The following SEPTIN9 variants were observed in gnomAD, a reference collection of about 807,000 sequenced individuals.
The protein encoded by SEPTIN9 is septin-9.
SEPTIN9 carries 13 observed loss-of-function variants against 56.6 expected under a neutral mutation model. The observed-to-expected ratio is 0.23, with a 90% CI of 0.15 to 0.37. The LOEUF (loss-of-function observed/expected upper bound fraction) is 0.37, where lower values mean the gene tolerates loss of function less well. Ranked by LOEUF, SEPTIN9 falls within the 10% of genes least tolerant of loss-of-function variation. The pLI is 1.00. For missense variants in SEPTIN9, 650 were observed against 823.1 expected (o/e 0.79, Z 2.57); for synonymous variants, 332 against 334.1 (o/e 0.99, Z 0.07).
At chr17:77,410,368 A>G (rs1205683759) in intron 3 of SEPTIN9, among the ~76,000 whole-genome samples, 6 of 152,166 alleles carry the variant, frequency 3.9e-5, no homozygotes, top group Admixed American at 3.9e-4. Context: ...GGCTACCATC[A>G]GCACACCTGG....
chr17:77,365,694 C>T (rs2034551120), intron 2 of SEPTIN9, among the ~76,000 whole-genome samples: 2 of 152,148 alleles, frequency 1.3e-5, no homozygotes, highest in Admixed American at 1.3e-4. Flanking sequence ...GCCAGGCCGC[C>T]ACTCCCAACC....
At chr17:77,384,620 C>A (rs2035267083) in intron 2 of SEPTIN9, among the ~76,000 whole-genome samples, 1 of 152,062 alleles carries the variant, frequency 6.6e-6, no homozygotes, top group African/African-American at 2.4e-5. Flanking sequence ...ACCCAGCCCT[C>A]CTGAGCCAGA....
At chr17:77,481,360 G>A (rs937576751) in intron 3 of SEPTIN9, among the ~76,000 whole-genome samples, 6 of 152,214 alleles carry the variant, frequency 3.9e-5, no homozygotes, top group Non-Finnish European at 8.8e-5. Context: ...CACACAAGAC[G>A]GCCGCCTGGG....
intron 2 of SEPTIN9, among the ~76,000 whole-genome samples, chr17:77,368,884 A>G (rs1351896059): frequency 6.6e-6 from 1 of 152,140 alleles, no homozygotes; most frequent in African/African-American, 2.4e-5. Flanking sequence ...TGATAGAAAC[A>G]CTATATTCGT....
At chr17:77,376,626 ACAGGGCCCTGAT>A (rs2034929436) in intron 2 of SEPTIN9, 1 of 153,928 alleles carries the variant, frequency 6.5e-6, no homozygotes, top group Admixed American at 6.5e-5. Flanking sequence ...AACAGAGGCC[ACAGGGCCCTGAT>A]CAGGGTGTTC....
chr17:77,333,731 G>A (rs1567998924), intron 2 of SEPTIN9, among the ~76,000 whole-genome samples: 1 of 152,072 alleles, frequency 6.6e-6, no homozygotes, highest in Non-Finnish European at 1.5e-5. Flanking sequence ...ATTAACTTTT[G>A]CATATGGTGT....
chr17:77,287,965 T>C, intron 1 of SEPTIN9: 4 of 1,053,256 alleles, frequency 3.8e-6, no homozygotes, highest in Non-Finnish European at 4.6e-6. Context: ...CTCAGAGCGG[T>C]GTTGGCCCGG....
In SEPTIN9 at chr17:77,330,835, C is replaced by T. The variant is rs996479842; in HGVS notation, c.76+23638C>T. On this transcript the variant is annotated intron_variant, in intron 2 of 11. Coordinates refer to ENST00000427177, the MANE Select transcript of SEPTIN9 (RefSeq NM_001113491.2). The surrounding 1 kb of genome is among the most constrained non-coding windows in gnomAD (Gnocchi z 4.4). The stretch of plus-strand genomic sequence containing the variant: ...AGAGTTGCACTGTCTCCTTCACTGT[C>T]CCTGCCTGGCCCCAGTGCTCATGTG... Among the ~76,000 whole-genome samples the T allele has an allele frequency of 6.6e-6, 1 of 152,236 alleles. No homozygotes were observed. The highest frequency in any genetic ancestry group is 1.5e-5 in the Non-Finnish European group (1 of 68,040).
chr17:77,408,116 C>T (rs1394172548), intron 3 of SEPTIN9, among the ~76,000 whole-genome samples: 2 of 152,190 alleles, frequency 1.3e-5, no homozygotes, highest in African/African-American at 4.8e-5. Context: ...AAGAGGGAGG[C>T]CAGGCCCAGT....
intron 3 of SEPTIN9, among the ~76,000 whole-genome samples, chr17:77,412,619 G>A (rs931170303): frequency 1.3e-5 from 2 of 152,020 alleles, no homozygotes; most frequent in Admixed American, 1.3e-4. Flanking sequence ...CCGGCTACTC[G>A]GGAGGCTGAT....
chr17:77,335,905 C>T (rs2033532677), intron 2 of SEPTIN9, among the ~76,000 whole-genome samples: 1 of 122,094 alleles, frequency 8.2e-6, no homozygotes, highest in Non-Finnish European at 1.8e-5. Flanking sequence ...TACATGTAGG[C>T]CCCGTGTTGA....
intron 2 of SEPTIN9, among the ~76,000 whole-genome samples, chr17:77,391,808 G>C (rs1188645105): frequency 6.6e-6 from 1 of 152,226 alleles, no homozygotes; most frequent in Non-Finnish European, 1.5e-5. Context: ...GGTTCAAGCT[G>C]GGGCTGGTTC....
chr17:77,299,857 A>G (rs560399963), intron 1 of SEPTIN9, among the ~76,000 whole-genome samples: 2 of 115,954 alleles, frequency 1.7e-5, no homozygotes, highest in South Asian at 4.8e-4. Context: ...CTTGCCGTCA[A>G]GAGAGGGGCT....
intron 2 of SEPTIN9, among the ~76,000 whole-genome samples, chr17:77,384,866 C>T (rs2035278732): frequency 6.6e-6 from 1 of 151,794 alleles, no homozygotes; most frequent in South Asian, 2.1e-4. Context: ...CACACACACA[C>T]ACACACACAC....
At chr17:77,372,085 C>T (rs1250091045) in intron 2 of SEPTIN9, among the ~76,000 whole-genome samples, 1 of 151,818 alleles carries the variant, frequency 6.6e-6, no homozygotes, top group African/African-American at 2.4e-5. Flanking sequence ...GCCACACATT[C>T]AAGGGACCGG....
chr17:77,308,236 A>G (rs73367412), intron 2 of SEPTIN9, among the ~76,000 whole-genome samples: 323 of 152,364 alleles, frequency 2.1e-3, no homozygotes, highest in African/African-American at 7.1e-3. Context: ...CTGTGCCTTC[A>G]TGAATTAGCC....
rs2037936149 is a variant in SEPTIN9 at position 77,450,823 on chromosome 17, G to C, written c.722-31321G>C. The C allele has an allele frequency of 1.0e-6, 1 of 985,322 alleles. No homozygotes were observed. Among genetic ancestry groups the C allele is most frequent in the Non-Finnish European group, 1.2e-6 (1 of 829,768 alleles). 61.0% of individuals were successfully genotyped at this position (985,322 alleles called of 1,614,324 possible). On this transcript the variant is annotated intron_variant, in intron 3 of 11. Coordinates refer to ENST00000427177, the MANE Select transcript of SEPTIN9 (RefSeq NM_001113491.2). The surrounding 1 kb of genome is among the most constrained non-coding windows in gnomAD (Gnocchi z 6.0). ...CCCCATCCCCTGCCCCTCCTCTCCT[G>C]CTCCTTCTCCCTTCCATGGTCCCAG...
At chr17:77,493,328 G>T (rs2040116038) in intron 10 of SEPTIN9, 1 of 524,806 alleles carries the variant, frequency 1.9e-6, no homozygotes, top group African/African-American at 1.9e-5. Flanking sequence ...GAGCTGGGAT[G>T]GGGGCCGCCA....
chr17:77,346,982 T>G (rs2033912428), intron 2 of SEPTIN9, among the ~76,000 whole-genome samples: 2 of 152,184 alleles, frequency 1.3e-5, no homozygotes, highest in African/African-American at 4.8e-5. Context: ...GATTTTGGAC[T>G]TCCCAGCCTC....
Sources: allele counts gnomAD v4.1 joint callset (sites outside exome capture counted in the v4.1 genomes callset), GRCh38; gene constraint gnomAD v4.1.1; non-coding constraint Gnocchi (gnomAD v3.1); transcripts MANE v1.5; gene names NCBI Gene and HGNC (gene_info 2026-07-23, HGNC 2026-07-21).